Variants in RPS6KL1 observed in about 807,000 individuals in gnomAD.
The protein encoded by RPS6KL1 is ribosomal protein S6 kinase like 1.
RPS6KL1 carries 41 observed loss-of-function variants against 57.0 expected under a neutral mutation model. The observed-to-expected ratio is 0.72, with a 90% CI of 0.56 to 0.93. RPS6KL1 has a LOEUF of 0.93. Among genes scored for constraint, RPS6KL1 ranks in the 40% least tolerant of loss-of-function variants. RPS6KL1 has a pLI of 0.00. For synonymous variants in RPS6KL1, 287 were observed against 309.7 expected (o/e 0.93, Z 0.77); for missense variants, 697 against 727.7 (o/e 0.96, Z 0.49).
chr14:74,915,283 C>A (rs758961201), intron 5 of RPS6KL1, among the ~76,000 whole-genome samples: 1 of 152,162 alleles, frequency 6.6e-6, no homozygotes, highest in East Asian at 1.9e-4. Flanking sequence ...TTCGTTCCCC[C>A]ATGGTGACTG....
rs1884629770 is a variant in RPS6KL1 at position 74,905,471 on chromosome 14, A to AC, written c.*1542dup. 1 of 149,186 alleles carries AC rather than the reference A, an allele frequency of 6.7e-6. No individual in the cohort carries two copies. The highest frequency in any genetic ancestry group is 1.5e-5 in the Non-Finnish European group (1 of 67,376). 9.2% of individuals were successfully genotyped at this position (149,186 alleles called of 1,614,324 possible). On this transcript the variant is annotated 3_prime_UTR_variant, in exon 12 of 12. Coordinates refer to ENST00000557413, the MANE Select transcript of RPS6KL1 (RefSeq NM_031464.5). The stretch of plus-strand genomic sequence containing the variant: ...TCCCCACAGAACCTGGTCCTCCCCG[A>AC]CCCCACCCCTTCCCCTGAGGCCCAC...
chr14:74,906,327 C>T lies in RPS6KL1; in HGVS notation c.*687G>A, dbSNP rs1047409258. The T allele has an allele frequency of 2.9e-5, 10 of 347,378 alleles. No individual in the cohort carries two copies. In the Admixed American group the frequency reaches 3.9e-4, roughly 13 times the overall value. 21.5% of individuals were successfully genotyped at this position (347,378 alleles called of 1,614,324 possible). A position where few individuals can be genotyped will look rare whatever the true frequency, so the allele number is the denominator to read the frequency against. ...AGACCCATGCATTCCTTCCTCCCCC[C>T]ATTACTCTTATTTTCTTCCCCTCCC... On this transcript the variant is annotated 3_prime_UTR_variant, in exon 12 of 12. Coordinates refer to ENST00000557413, the MANE Select transcript of RPS6KL1 (RefSeq NM_031464.5).
intron 6 of RPS6KL1, 125 bp downstream of exon 6, chr14:74,911,669 G>T: frequency 1.1e-6 from 1 of 924,714 alleles, no homozygotes. Context: ...GCATGTTCAG[G>T]CAGAACAACC....
chr14:74,906,905 T>C lies in RPS6KL1; in HGVS notation c.*109A>G. On this transcript the variant is annotated 3_prime_UTR_variant, in exon 12 of 12. Coordinates refer to ENST00000557413, the MANE Select transcript of RPS6KL1 (RefSeq NM_031464.5). ...CCAGCAGGACAGACAGTGCCCTCCA[T>C]TCCTCGCCCAAAGCCCGCTGATAGA... is the stretch of plus-strand genomic sequence containing the variant. 1.1e-6 allele frequency: 1 copy of C among 878,700 alleles called. No homozygotes were observed. The highest frequency in any genetic ancestry group is 1.9e-6 in the Non-Finnish European group (1 of 515,992). 54.4% of individuals were successfully genotyped at this position (878,700 alleles called of 1,614,324 possible).
intron 5 of RPS6KL1, among the ~76,000 whole-genome samples, chr14:74,916,511 C>A (rs1055634134): frequency 6.6e-6 from 1 of 152,110 alleles, no homozygotes; most frequent in Admixed American, 6.5e-5. Context: ...GGCAACACAG[C>A]GAGATCTCTC....
rs777774702 is a variant in RPS6KL1 at position 74,909,934 on chromosome 14, G to C, written c.879C>G (p.Ala293=). Residue 293 remains alanine (A), a synonymous_variant, in exon 8 of 12, where the codon GCC becomes GCG. Coordinates refer to ENST00000557413, the MANE Select transcript of RPS6KL1 (RefSeq NM_031464.5). Reference sequence around the variant, plus strand: ...CCTCCCTCTGGGGTCTGGTGGATGGGGCCTCCCCAGCTAGGAGAAGGTTCG... The same window carrying C: ...CCTCCCTCTGGGGTCTGGTGGATGGCGCCTCCCCAGCTAGGAGAAGGTTCG... The part of the protein sequence containing the change: ...TSPNLLLAGE[A]PSTRPQREAE... The C allele has an allele frequency of 6.8e-6, 11 of 1,614,000 alleles. No individual in the cohort carries two copies. The South Asian group carries it at 1.2e-4, about 18-fold the overall frequency.
chr14:74,911,171 C>T (rs903625724), intron 7 of RPS6KL1, 77 bp downstream of exon 7: 1 of 1,458,422 alleles, frequency 6.9e-7, no homozygotes, highest in African/African-American at 1.4e-5. Context: ...CACGCCCTGC[C>T]AGGGCTCCGC....
rs1884724387 is a variant in RPS6KL1 at position 74,905,904 on chromosome 14, T to A, written c.*1110A>T. The A allele has an allele frequency of 6.5e-6, 1 of 152,870 alleles. No individual in the cohort carries two copies. The highest frequency in any genetic ancestry group is 2.4e-5 in the African/African-American group (1 of 41,370). 9.5% of individuals were successfully genotyped at this position (152,870 alleles called of 1,614,324 possible). ...GGCAGGGAGGAGCTGAGGGCAAAAC[T>A]CTAGTGGAAATTTCCCAGGTCGGTC... On this transcript the variant is annotated 3_prime_UTR_variant, in exon 12 of 12. Coordinates refer to ENST00000557413, the MANE Select transcript of RPS6KL1 (RefSeq NM_031464.5).
At chr14:74,912,044 T>C (rs1360678419) in intron 5 of RPS6KL1, among the ~76,000 whole-genome samples, 1 of 152,130 alleles carries the variant, frequency 6.6e-6, no homozygotes, top group African/African-American at 2.4e-5. Context: ...TGGTCTCAGA[T>C]GCTGCCTCCT....
At chr14:74,920,909 T>C (rs968354412) in intron 3 of RPS6KL1, among the ~76,000 whole-genome samples, 2 of 152,172 alleles carry the variant, frequency 1.3e-5, no homozygotes, top group African/African-American at 4.8e-5. Flanking sequence ...ATTGTGCCAT[T>C]TGATAGCTGT....
rs776325477 is a variant in RPS6KL1, at chr14:74,906,502, G to A, written c.*512C>T. 1.1e-4 allele frequency: 52 copies of A among 485,016 alleles called. No individual in the cohort carries two copies. The highest frequency in any genetic ancestry group is 2.6e-5 in the Non-Finnish European group (6 of 232,284). 30.0% of individuals were successfully genotyped at this position (485,016 alleles called of 1,614,324 possible). A position where few individuals can be genotyped will look rare whatever the true frequency, so the allele number is the denominator to read the frequency against. On this transcript the variant is annotated 3_prime_UTR_variant, in exon 12 of 12. Transcript: ENST00000557413. ...TGCTTCTGGGCCTCCCCAGCTGCAC[G>A]AACAGCTTCTGGTGGAAGAGGCCTA...
chr14:74,908,396 C>T (rs970072718), intron 10 of RPS6KL1, among the ~76,000 whole-genome samples: 6 of 152,140 alleles, frequency 3.9e-5, no homozygotes, highest in African/African-American at 1.4e-4. Context: ...ATCTTTTGAG[C>T]TCTTGGCTGA....
At chr14:74,921,604 A>T (rs1887861860) in intron 2 of RPS6KL1, 43 bp from the exon 3 acceptor site, 2 of 1,560,836 alleles carry the variant, frequency 1.3e-6, no homozygotes, top group Non-Finnish European at 1.7e-6. Context: ...GCTGGTAGCA[A>T]CACCCCTATC....
intron 4 of RPS6KL1, 59 bp from the exon 5 acceptor site, chr14:74,918,664 G>A: frequency 1.5e-6 from 2 of 1,325,592 alleles, no homozygotes; most frequent in Non-Finnish European, 2.1e-6. Flanking sequence ...CTTGGCCATG[G>A]CCTTCTCACC....
Position 74,909,742 on chromosome 14 carries a change from C to A in RPS6KL1, c.1071G>T (p.Gly357=). The A allele has an allele frequency of 6.2e-7, 1 of 1,607,872 alleles. No homozygotes were observed. The highest frequency in any genetic ancestry group is 8.5e-7 in the Non-Finnish European group (1 of 1,179,434). The change falls in exon 8 of 12, where the codon GGG becomes GGT. Residue 357 remains glycine, a synonymous_variant. Coordinates refer to ENST00000557413, the MANE Select transcript of RPS6KL1 (RefSeq NM_031464.5). ...WVPEGAGPVL[G]GCGRGMDQSC... is the part of the protein sequence containing the mutation. ...TCTGATCCATGCCTCGGCCACAGCC[C>A]CCTAGCACCGGGCCGGCCCCCTCAG...
chr14:74,910,156 A>G lies in RPS6KL1; in HGVS notation c.665-8T>C. On this transcript the variant is annotated splice_region_variant and splice_polypyrimidine_tract_variant and intron_variant, in intron 7 of 11. Transcript: ENST00000557413. ...GGGACCAGAGAGTGCCTCCTGGGCC[A>G]TGCAGAGGGAGCGGTGAGCGTGGGG... 1 of 1,512,328 alleles carries G rather than the reference A, an allele frequency of 6.6e-7. No homozygotes were observed. The highest frequency in any genetic ancestry group is 1.4e-5 in the African/African-American group (1 of 72,408). The allele number at this position is 1,512,328 out of a possible 1,614,324, so 93.7% of individuals were successfully genotyped here. A position where few individuals can be genotyped will look rare whatever the true frequency, so the allele number is the denominator to read the frequency against.
At position 74,909,535 on chromosome 14, in the gene RPS6KL1, G is replaced by T. The variant is rs1379064639; in HGVS notation, c.1270+8C>A. 6.3e-7 allele frequency: 1 copy of T among 1,583,552 alleles called. No homozygotes were observed. The highest frequency in any genetic ancestry group is 8.6e-7 in the Non-Finnish European group (1 of 1,164,224). On this transcript the variant is annotated splice_region_variant and intron_variant, in intron 8 of 11. Coordinates refer to ENST00000557413, the MANE Select transcript of RPS6KL1 (RefSeq NM_031464.5). Reference sequence around the variant, plus strand: ...GCCACCCCACTGAGGGGTGAGGAGGGCACCTACCTGCCTGGTCCAGGAGCA... The same window carrying T: ...GCCACCCCACTGAGGGGTGAGGAGGTCACCTACCTGCCTGGTCCAGGAGCA...
chr14:74,911,893 C>CA, intron 5 of RPS6KL1, 52 bp from the exon 6 acceptor site: 1 of 1,495,558 alleles, frequency 6.7e-7, no homozygotes. Context: ...TCCTGGGGCT[C>CA]CGTGACCCCA....
intron 5 of RPS6KL1, among the ~76,000 whole-genome samples, chr14:74,912,552 C>A (rs144098493): frequency 1.2e-4 from 18 of 152,292 alleles, no homozygotes; most frequent in Non-Finnish European, 2.6e-4. Flanking sequence ...TTCCTCTGAT[C>A]TCTTGTTTTA....
Sources: allele counts gnomAD v4.1 joint callset (sites outside exome capture counted in the v4.1 genomes callset), GRCh38; gene constraint gnomAD v4.1.1; transcripts MANE v1.5; gene names NCBI Gene and HGNC (gene_info 2026-07-23, HGNC 2026-07-21).